Variants in CD177 observed in about 807,000 individuals in gnomAD.
The protein encoded by CD177 is CD177 molecule, also known as CD177 antigen.
CD177 carries 41 observed loss-of-function variants against 38.1 expected under a neutral mutation model. The observed-to-expected ratio is 1.07, with a 90% CI of 0.84 to 1.39. CD177 has a LOEUF of 1.39. Among genes scored for constraint, CD177 ranks in the 40% most tolerant of loss-of-function variants. The pLI is 0.00. For missense variants in CD177, 619 were observed against 523.8 expected (o/e 1.18, Z -1.77); for synonymous variants, 236 against 216.7 (o/e 1.09, Z -0.78).
rs529068009 is a variant in CD177, at chr19:43,362,581, A to G, written c.*261A>G. On this transcript the variant is annotated 3_prime_UTR_variant, in exon 9 of 9. Transcript: ENST00000618265. ...TAATACAGACCCTGTCCTTTCTCCC[A>G]GTGCTGGGATTTCTCCATGTGAGGG... The G allele has an allele frequency of 1.5e-5, 5 of 327,678 alleles. No homozygotes were observed. The highest frequency in any genetic ancestry group is 8.5e-5 in the African/African-American group (4 of 46,938). The allele number at this position is 327,678 out of a possible 1,614,324, so 20.3% of individuals were successfully genotyped here.
chr19:43,355,967 T>C lies in CD177; in HGVS notation c.503-25T>C, dbSNP rs745615644. 7 of 673,120 alleles carry C rather than the reference T, an allele frequency of 1.0e-5. 1 individual carries two copies. Among genetic ancestry groups the C allele is most frequent in the Non-Finnish European group, 1.6e-5 (6 of 371,460 alleles). The allele number at this position is 673,120 out of a possible 1,614,324, so 41.7% of individuals were successfully genotyped here. Reference sequence around the variant, plus strand: ...TGGTCCTGGAGGCAGCATCACTGACTCTCCCTCGCTCCCCCTTTCTGCAGG... The same window carrying C: ...TGGTCCTGGAGGCAGCATCACTGACCCTCCCTCGCTCCCCCTTTCTGCAGG... On this transcript the variant is annotated intron_variant, in intron 4 of 8. Transcript: ENST00000618265.
In CD177 at chr19:43,354,405, G is replaced by T; in HGVS notation, c.379+13G>T. On this transcript the variant is annotated intron_variant, in intron 3 of 8. Transcript: ENST00000618265. The stretch of plus-strand genomic sequence containing the variant: ...CAGCCCCCAGCAGGTGCCTGCGGGA[G>T]GGTCGGGAGGAGAGGGAGGGGCTGC... 6.2e-7 allele frequency: 1 copy of T among 1,613,508 alleles called. No individual in the cohort carries two copies. The highest frequency in any genetic ancestry group is 1.1e-5 in the South Asian group (1 of 91,080).
chr19:43,354,133 C>A, intron 2 of CD177, 74 bp from the exon 3 acceptor site: 1 of 1,563,530 alleles, frequency 6.4e-7, no homozygotes, highest in Non-Finnish European at 8.7e-7. Flanking sequence ...CAGCCTACGC[C>A]GTGTAGCAGC....
chr19:43,361,481 G>T lies in CD177; in HGVS notation c.983G>T (p.Cys328Phe). The change falls in exon 8 of 9, where the codon TGT (cysteine) becomes TTT (phenylalanine). Residue 328 changes from cysteine (C) to phenylalanine (F), a missense_variant. By Grantham distance (205) the Cys-to-Phe change is radical. Transcript: ENST00000618265. ...PVPGDRQCPT[C>F]VQPLGTCSSG... is the part of the protein sequence containing the mutation. ...CCAGGAGACCGGCAGTGTCCTACCTGTGTGCAGCCCCTTGGAACCTGTTCA... is the reference window on the plus strand; with the variant it reads ...CCAGGAGACCGGCAGTGTCCTACCTTTGTGCAGCCCCTTGGAACCTGTTCA... 2 of 1,588,752 alleles carry T rather than the reference G, an allele frequency of 1.3e-6. No individual in the cohort carries two copies. Among genetic ancestry groups the T allele is most frequent in the Non-Finnish European group, 1.7e-6 (2 of 1,160,428 alleles).
rs1156547437 is a variant in CD177 at position 43,355,104 on chromosome 19, C to CTTTTTTTTTTT, written c.380-542_380-532dup. Among the ~76,000 whole-genome samples, 25 of 26,814 alleles carry CTTTTTTTTTTT rather than the reference C, an allele frequency of 9.3e-4. 4 individuals are homozygous for CTTTTTTTTTTT. Among genetic ancestry groups the CTTTTTTTTTTT allele is most frequent in the South Asian group, 2.0e-3 (1 of 488 alleles). 17.6% of individuals were successfully genotyped at this position (26,814 alleles called of 152,430 possible). On this transcript the variant is annotated intron_variant, in intron 3 of 8. Transcript: ENST00000618265. ...CCCAAGACACCCCCCCTTTTCTTTT[C>CTTTTTTTTTTT]TTTTTTTTTTTTTTTTTTTTTTTTT...
intron 8 of CD177, among the ~76,000 whole-genome samples, chr19:43,361,845 G>T (rs1456575408): frequency 6.9e-6 from 1 of 145,412 alleles, no homozygotes; most frequent in Non-Finnish European, 1.5e-5. Flanking sequence ...GGGGGCCGGG[G>T]CTCCTGGGTC....
intron 6 of CD177, 37 bp from the exon 7 acceptor site, chr19:43,361,106 G>C (rs1327292086): frequency 6.4e-6 from 7 of 1,092,778 alleles, no homozygotes; most frequent in African/African-American, 1.5e-5. Flanking sequence ...CCTGGGAGCT[G>C]CCCAGTCCCC....
Position 43,355,128 on chromosome 19 carries a change from TTC to T in CD177, c.380-531_380-530del, listed in dbSNP as rs1491168101. Among the ~76,000 whole-genome samples, 47 of 127,070 alleles carry T rather than the reference TTC, an allele frequency of 3.7e-4. 5 individuals carry two copies. Among genetic ancestry groups the T allele is most frequent in the African/African-American group, 7.2e-4 (22 of 30,458 alleles). The allele number at this position is 127,070 out of a possible 152,430, so 83.4% of individuals were successfully genotyped here. ...TCTTTTTTTTTTTTTTTTTTTTTTTTTCTGAGAAAGCGTCTCGCTGTGTCGAC... is the reference window on the plus strand; with the variant it reads ...TCTTTTTTTTTTTTTTTTTTTTTTTTTGAGAAAGCGTCTCGCTGTGTCGAC... On this transcript the variant is annotated intron_variant, in intron 3 of 8. Transcript: ENST00000618265.
At chr19:43,363,426 A>G (rs186745170), downstream of CD177, among the ~76,000 whole-genome samples, 765 of 144,998 alleles carry the variant, frequency 5.3e-3, 7 homozygotes, top group African/African-American at 0.018. Context: ...AGAGAGCTGG[A>G]GAGAGAGCCG....
Position 43,362,396 on chromosome 19 carries a change from C to A in CD177, c.*76C>A, listed in dbSNP as rs866430549. ...TCCCTCTGACCTCATAACCTAATGG[C>A]CTTGGACACCAGATTCTTTCCCATT... On this transcript the variant is annotated 3_prime_UTR_variant, in exon 9 of 9. Transcript: ENST00000618265. 1.9e-5 allele frequency: 12 copies of A among 632,804 alleles called. No individual in the cohort carries two copies. The Admixed American group carries it at 2.0e-4, about 11-fold the overall frequency. The allele number at this position is 632,804 out of a possible 1,614,324, so 39.2% of individuals were successfully genotyped here. A position where few individuals can be genotyped will look rare whatever the true frequency, so the allele number is the denominator to read the frequency against.
At chr19:43,363,302 TATC>T (rs1970000844), downstream of CD177, 1 of 152,146 alleles carries the variant, frequency 6.6e-6, no homozygotes, top group African/African-American at 2.4e-5. Flanking sequence ...CCAGAGCTGT[TATC>T]ATTGGGTCTC....
At chr19:43,360,790 C>A (rs1348305732) in intron 6 of CD177, 1 of 455,738 alleles carries the variant, frequency 2.2e-6, no homozygotes. Flanking sequence ...AGGAAACAAA[C>A]AAACAAAAAG....
In CD177 at chr19:43,360,320, A is replaced by G. The variant is rs541206539; in HGVS notation, c.675A>G (p.Gln225=). ...TTIMTHGNLA[Q]EPTDWTTSNT... Reference sequence around the variant, plus strand: ...TTATGACACACGGAAACTTGGCTCAAGAACCCACTGATTGGACCACATCGA... The same window carrying G: ...TTATGACACACGGAAACTTGGCTCAGGAACCCACTGATTGGACCACATCGA... Residue 225 remains glutamine, a synonymous_variant, in exon 6 of 9, where the codon CAA becomes CAG. Coordinates refer to ENST00000618265, the MANE Select transcript of CD177 (RefSeq NM_020406.4). 2.7e-5 allele frequency: 44 copies of G among 1,613,166 alleles called. No individual in the cohort carries two copies. The South Asian group carries it at 4.5e-4, about 17-fold the overall frequency.
Position 43,362,081 on chromosome 19 carries a change from C to G in CD177, c.1082-7C>G. The stretch of plus-strand genomic sequence containing the variant: ...GTGTCCTTTCTGACTTGGTCTTCTC[C>G]CTCTAGGTGGGCTGTCCACCAAAAT... On this transcript the variant is annotated splice_polypyrimidine_tract_variant and splice_region_variant and intron_variant, in intron 8 of 8. Transcript: ENST00000618265. The G allele has an allele frequency of 1.9e-6, 3 of 1,612,698 alleles. No individual in the cohort carries two copies. Among genetic ancestry groups the G allele is most frequent in the Non-Finnish European group, 2.5e-6 (3 of 1,178,970 alleles).
In CD177 at chr19:43,360,335, GACC is replaced by G. The variant is rs1488992827; in HGVS notation, c.693_695del (p.Thr232del). On this transcript the variant is annotated inframe_deletion, in exon 6 of 9. Coordinates refer to ENST00000618265, the MANE Select transcript of CD177 (RefSeq NM_020406.4). ...ACTTGGCTCAAGAACCCACTGATTG[GACC>G]ACATCGAATACCGAGATGTGCGAGG... 6.2e-7 allele frequency: 1 copy of G among 1,612,456 alleles called. No individual in the cohort carries two copies. Among genetic ancestry groups the G allele is most frequent in the Admixed American group, 1.7e-5 (1 of 59,828 alleles).
At position 43,361,087 on chromosome 19, in the gene CD177, C is replaced by T. The variant is rs988110659; in HGVS notation, c.761-56C>T. 8.4e-6 allele frequency: 6 copies of T among 710,598 alleles called. No homozygotes were observed. In the African/African-American group the frequency reaches 1.1e-4, roughly 13 times the overall value. 44.0% of individuals were successfully genotyped at this position (710,598 alleles called of 1,614,324 possible). ...AGGGCAGGGAGTCCAGCTCTGGAGC[C>T]CCTGCTGCCCTGGGAGCTGCCCAGT... On this transcript the variant is annotated intron_variant, in intron 6 of 8. Coordinates refer to ENST00000618265, the MANE Select transcript of CD177 (RefSeq NM_020406.4).
At chr19:43,363,911 A>G (rs1324025497), downstream of CD177, among the ~76,000 whole-genome samples, 2 of 152,064 alleles carry the variant, frequency 1.3e-5, no homozygotes, top group Non-Finnish European at 2.9e-5. Context: ...AACATAGTGA[A>G]ACCGCTTCTC....
At position 43,362,282 on chromosome 19, in the gene CD177, C is replaced by G. The variant is rs759271320; in HGVS notation, c.1276C>G (p.Pro426Ala). ...TTGGGGGGTGGGGCTGGCACTGGCC[C>G]CAGCGCTGTGGTGGGGAGTGGTTTG... ...LTWGVGLALA[P>A]ALWWGVVCPS... is the part of the protein sequence containing the mutation. Residue 426 changes from proline to alanine, a missense_variant, in exon 9 of 9, where the codon CCA becomes GCA. Physicochemically the swap from Pro to Ala is conservative, Grantham distance 27. Transcript: ENST00000618265. 6 of 1,594,166 alleles carry G rather than the reference C, an allele frequency of 3.8e-6. No homozygotes were observed. Among genetic ancestry groups the G allele is most frequent in the South Asian group, 1.1e-5 (1 of 90,518 alleles).
At chr19:43,361,847 T>G (rs955684234) in intron 8 of CD177, among the ~76,000 whole-genome samples, 45 of 136,580 alleles carry the variant, frequency 3.3e-4, no homozygotes, top group Admixed American at 3.2e-3. Flanking sequence ...GGGCCGGGGC[T>G]CCTGGGTCTG....
Sources: gnomAD v4.1 joint callset for allele counts (sites outside exome capture counted in the v4.1 genomes callset) on GRCh38, gnomAD v4.1.1 for gene constraint, MANE v1.5 for transcripts, NCBI Gene and HGNC (gene_info 2026-07-23, HGNC 2026-07-21) for gene names.